CEP63: variants seen among roughly 807,000 people sequenced by gnomAD.
The protein encoded by CEP63 is centrosomal protein 63, also known as centrosomal protein of 63 kDa.
CEP63 carries 84 observed loss-of-function variants against 89.1 expected under a neutral mutation model. That is an observed-to-expected ratio of 0.94 (90% CI 0.79 to 1.13). The LOEUF (loss-of-function observed/expected upper bound fraction) is 1.13. CEP63 is among the 50% of genes most tolerant of loss of function. CEP63 has a pLI of 0.00. For missense variants in CEP63, 838 were observed against 813.3 expected, an observed-to-expected ratio of 1.03 and a Z score of -0.37; for synonymous variants, 267 against 272.5, an observed-to-expected ratio of 0.98 and a Z score of 0.20.
intron 1 of CEP63, among the ~76,000 whole-genome samples, chr3:134,488,765 C>G (rs146806557): frequency 6.6e-6 from 1 of 152,282 alleles, no homozygotes; most frequent in East Asian, 1.9e-4. Flanking sequence ...GGTTGGGGAC[C>G]ACTGCTCTAA....
the CEP63 span, among the ~76,000 whole-genome samples, chr3:134,628,968 A>G: frequency 3.9e-5 from 6 of 152,340 alleles, no homozygotes; most frequent in East Asian, 1.2e-3. Flanking sequence ...CTTGAGCCTC[A>G]GTTGTTCTGC....
At chr3:134,650,745 C>A in the CEP63 span, 5 of 1,312,702 alleles carry the variant, frequency 3.8e-6, no homozygotes, top group South Asian at 3.1e-5. Context: ...GAGCAATGGG[C>A]GCCCCCCGGC....
intron 3 of CEP63, chr3:134,510,942 T>C (rs913530897): frequency 1.7e-5 from 3 of 181,706 alleles, no homozygotes; most frequent in Non-Finnish European, 1.2e-5. Flanking sequence ...CTCAGAACTT[T>C]TCAGGGACGT....
the CEP63 span, among the ~76,000 whole-genome samples, chr3:134,642,960 C>T: frequency 7.2e-5 from 11 of 152,300 alleles, no homozygotes; most frequent in African/African-American, 2.4e-4. Flanking sequence ...GCTTAATTTA[C>T]ATGAGAATAA....
Position 134,538,533 on chromosome 3 carries a change from G to GTATATGTATATA in CEP63, c.555+1270_555+1271insGTATATATATAT. ...ACCTAATAAGAAATTGTGTGTGTGTGTATATATATATATATATATATGTAT... is the reference window on the plus strand; with the variant it reads ...ACCTAATAAGAAATTGTGTGTGTGTGTATATGTATATATATATATATATATATATATATGTAT... On this transcript the variant is annotated intron_variant, in intron 6 of 14. Transcript: ENST00000675561. Among the ~76,000 whole-genome samples the GTATATGTATATA allele has an allele frequency of 3.0e-5, 3 of 101,372 alleles. 1 individual carries two copies. Among genetic ancestry groups the GTATATGTATATA allele is most frequent in the Non-Finnish European group, 6.4e-5 (3 of 46,964 alleles). 66.5% of individuals were successfully genotyped at this position (101,372 alleles called of 152,430 possible).
At chr3:134,626,982 G>A in the CEP63 span, among the ~76,000 whole-genome samples, 1 of 152,168 alleles carries the variant, frequency 6.6e-6, no homozygotes, top group Non-Finnish European at 1.5e-5. Flanking sequence ...ACATCGAACA[G>A]ATTTCCACTC....
intron 6 of CEP63, 114 bp from the exon 7 acceptor site, chr3:134,545,470 ATT>A (rs955987348): frequency 7.0e-5 from 49 of 700,404 alleles, no homozygotes; most frequent in African/African-American, 6.7e-4. Context: ...ATATATATAT[ATT>A]TTAGTGAGCC....
At chr3:134,744,248 T>C in the CEP63 span, among the ~76,000 whole-genome samples, 9 of 152,250 alleles carry the variant, frequency 5.9e-5, no homozygotes, top group East Asian at 1.7e-3. Flanking sequence ...AAAAATCACA[T>C]TAATACAGAA....
At position 134,562,313 on chromosome 3, in the gene CEP63, A is replaced by G; in HGVS notation, c.*778A>G. On this transcript the variant is annotated 3_prime_UTR_variant, in exon 15 of 15. Transcript: ENST00000675561. Reference sequence around the variant, plus strand: ...AAGATCCACCAGGGAGGCTGTGGAGAGAGAGAGGAGCAGGAGGCTGGGTTT... The same window carrying G: ...AAGATCCACCAGGGAGGCTGTGGAGGGAGAGAGGAGCAGGAGGCTGGGTTT... 1.3e-6 allele frequency: 1 copy of G among 781,432 alleles called. No homozygotes were observed. Among genetic ancestry groups the G allele is most frequent in the African/African-American group, 1.9e-5 (1 of 53,208 alleles). The allele number at this position is 781,432 out of a possible 1,614,324, so 48.4% of individuals were successfully genotyped here. A position where few individuals can be genotyped will look rare whatever the true frequency, so the allele number is the denominator to read the frequency against.
chr3:134,551,805 A>G (rs1230948470), intron 11 of CEP63, 121 bp from the exon 12 acceptor site: 4 of 266,800 alleles, frequency 1.5e-5, no homozygotes, highest in Non-Finnish European at 2.8e-5. Flanking sequence ...AAATATGTAT[A>G]TGTATATATA....
the CEP63 span, among the ~76,000 whole-genome samples, chr3:134,706,742 G>T: frequency 6.6e-6 from 1 of 152,210 alleles, no homozygotes; most frequent in Admixed American, 6.5e-5. Flanking sequence ...CAAGATATTG[G>T]CAGGGTTGGT....
At chr3:134,650,259 T>G in the CEP63 span, among the ~76,000 whole-genome samples, 43 of 152,212 alleles carry the variant, frequency 2.8e-4, no homozygotes, top group Non-Finnish European at 6.2e-4. Context: ...GTTTCAAATC[T>G]TACCCTATCC....
At chr3:134,650,123 G>A in the CEP63 span, among the ~76,000 whole-genome samples, 2 of 152,094 alleles carry the variant, frequency 1.3e-5, no homozygotes, top group Admixed American at 6.6e-5. Flanking sequence ...AGAGAGGCCC[G>A]GATCCTGCTT....
At chr3:134,720,592 T>G in the CEP63 span, among the ~76,000 whole-genome samples, 2 of 152,116 alleles carry the variant, frequency 1.3e-5, no homozygotes, top group Non-Finnish European at 2.9e-5. Flanking sequence ...TTTTATGGTT[T>G]AAGTGCTTTT....
At chr3:134,708,413 A>C in the CEP63 span, among the ~76,000 whole-genome samples, 17 of 152,212 alleles carry the variant, frequency 1.1e-4, no homozygotes, top group Non-Finnish European at 2.2e-4. Context: ...AGAAGTCTGG[A>C]AATTTATAAG....
rs905981472 is a variant in CEP63 at position 134,565,016 on chromosome 3, A to C, written c.*3481A>C. 3 of 949,564 alleles carry C rather than the reference A, an allele frequency of 3.2e-6. No homozygotes were observed. Among genetic ancestry groups the C allele is most frequent in the African/African-American group, 3.5e-5 (2 of 56,412 alleles). The allele number at this position is 949,564 out of a possible 1,614,324, so 58.8% of individuals were successfully genotyped here. ...AGATATATTAATACCAAATATTAAA[A>C]TGTGTCAAGACTAAATCTGAGTTAG... On this transcript the variant is annotated 3_prime_UTR_variant, in exon 15 of 15. Transcript: ENST00000675561.
At chr3:134,496,431 AGG>A (rs58740020) in intron 2 of CEP63, among the ~76,000 whole-genome samples, 93,868 of 145,468 alleles carry the variant, frequency 0.65, 30,651 homozygotes, top group East Asian at 0.79. Context: ...TAGAAAAAAA[AGG>A]GGGGGGGGGC....
At chr3:134,771,811 G>T in the CEP63 span, among the ~76,000 whole-genome samples, 3 of 151,936 alleles carry the variant, frequency 2.0e-5, no homozygotes, top group Admixed American at 1.3e-4. Context: ...AAAGGAAAAA[G>T]CACCCACACA....
At chr3:134,729,714 G>T in the CEP63 span, among the ~76,000 whole-genome samples, 2 of 152,194 alleles carry the variant, frequency 1.3e-5, no homozygotes, top group South Asian at 4.1e-4. Flanking sequence ...GAAACTCAGT[G>T]AATTGGTTAA....
Sources: allele counts gnomAD v4.1 joint callset (sites outside exome capture counted in the v4.1 genomes callset), GRCh38; gene constraint gnomAD v4.1.1; transcripts MANE v1.5; gene names NCBI Gene and HGNC (gene_info 2026-07-23, HGNC 2026-07-21).